B3GALT1: variants seen among roughly 807,000 people sequenced by gnomAD.
B3GALT1 encodes UDP-Gal:betaGlcNAc beta 1,3-galactosyltransferase, polypeptide 1.
A neutral mutation model predicts 23.2 loss-of-function variants in B3GALT1; 10 were observed. The ratio of observed to expected loss-of-function variants is 0.43; its 90% CI spans 0.27 to 0.73. B3GALT1 has a LOEUF of 0.73. Among genes scored for constraint, B3GALT1 ranks in the 30% least tolerant of loss-of-function variants. The probability of loss-of-function intolerance (pLI) is 0.21; values close to 1 mark genes in which losing one functional copy is unlikely to be tolerated. For synonymous variants in B3GALT1, 156 were observed against 141.5 expected (o/e 1.10, Z -0.73); for missense variants, 299 against 405.4 (o/e 0.74, Z 2.25).
At chr2:167,416,471 G>T (rs1698472628) in intron 1 of B3GALT1, among the ~76,000 whole-genome samples, 1 of 152,246 alleles carries the variant, frequency 6.6e-6, no homozygotes, top group Non-Finnish European at 1.5e-5. Context: ...CAGAAAGCCT[G>T]GGGGCTCAGG....
chr2:167,769,822 A>AT (rs1688042461), intron 3 of B3GALT1, among the ~76,000 whole-genome samples: 1 of 152,184 alleles, frequency 6.6e-6, no homozygotes, highest in South Asian at 2.1e-4. Flanking sequence ...GCTGAGGGAC[A>AT]TTGGGTTTTT....
intron 4 of B3GALT1, among the ~76,000 whole-genome samples, chr2:167,826,692 A>G (rs1046089867): frequency 6.6e-6 from 1 of 152,214 alleles, no homozygotes; most frequent in African/African-American, 2.4e-5. Context: ...CACAGGTTCC[A>G]CATCTGAGGC....
chr2:167,519,677 T>C (rs1428319348), intron 2 of B3GALT1, among the ~76,000 whole-genome samples: 1 of 152,208 alleles, frequency 6.6e-6, no homozygotes, highest in Non-Finnish European at 1.5e-5. Flanking sequence ...TTGGAAAATA[T>C]ATAAAAGTGT....
chr2:167,508,595 A>G (rs371868576), intron 2 of B3GALT1, among the ~76,000 whole-genome samples: 21 of 152,204 alleles, frequency 1.4e-4, no homozygotes, highest in South Asian at 4.1e-4. Flanking sequence ...GTCAATGAAT[A>G]CTAAAAGTTA....
At position 167,869,835 on chromosome 2, in the gene B3GALT1, G is replaced by A. The variant is rs749376311; in HGVS notation, c.796G>A (p.Val266Ile). 4 of 1,613,950 alleles carry A rather than the reference G, an allele frequency of 2.5e-6. No individual in the cohort carries two copies. The highest frequency in any genetic ancestry group is 8.5e-7 in the Non-Finnish European group (1 of 1,180,026). Residue 266 changes from valine (V) to isoleucine (I), a missense_variant, in exon 5 of 5, where the codon GTA becomes ATA. Val to Ile is a conservative substitution (Grantham distance 29, BLOSUM62 3). Around this residue, in one of 3 missense-constraint regions of B3GALT1, gnomAD observed 133 missense variants for 204.8 expected, o/e 0.65. Transcript: ENST00000392690. The surrounding 1 kb of genome is among the most constrained non-coding windows in gnomAD (Gnocchi z 6.4). ...CACAAGGCTGCTTCACCTTGAAGACGTATATGTGGGACTGTGTCTTCGAAA... is the reference window on the plus strand; with the variant it reads ...CACAAGGCTGCTTCACCTTGAAGACATATATGTGGGACTGTGTCTTCGAAA... ...LHTRLLHLED[V>I]YVGLCLRKLG...
chr2:167,693,902 A>C (rs761404792), intron 3 of B3GALT1, among the ~76,000 whole-genome samples: 4 of 152,098 alleles, frequency 2.6e-5, no homozygotes, highest in Non-Finnish European at 4.4e-5. Flanking sequence ...TACTTCTCCC[A>C]GTTCTACTAG....
At chr2:167,301,750 T>C (rs990389271) in intron 1 of B3GALT1, among the ~76,000 whole-genome samples, 2 of 152,162 alleles carry the variant, frequency 1.3e-5, no homozygotes, top group Non-Finnish European at 2.9e-5. Context: ...GGTTTCACCA[T>C]GTTGGCCAGG....
At chr2:167,429,964 A>G (rs938712487) in intron 1 of B3GALT1, among the ~76,000 whole-genome samples, 1 of 152,256 alleles carries the variant, frequency 6.6e-6, no homozygotes, top group Non-Finnish European at 1.5e-5. Context: ...TGAACAAAAC[A>G]GATCAAAATC....
At chr2:167,760,381 A>T (rs1243970585) in intron 3 of B3GALT1, among the ~76,000 whole-genome samples, 1 of 152,188 alleles carries the variant, frequency 6.6e-6, no homozygotes, top group East Asian at 1.9e-4. Flanking sequence ...GAGTATAAGG[A>T]TTTCCATACA....
intron 3 of B3GALT1, among the ~76,000 whole-genome samples, chr2:167,764,787 C>T (rs902622263): frequency 3.0e-4 from 46 of 152,124 alleles, no homozygotes; most frequent in African/African-American, 9.9e-4. Context: ...ACTATTAGAA[C>T]GTAAGGATAT....
chr2:167,387,807 A>C (rs1176354829), intron 1 of B3GALT1, among the ~76,000 whole-genome samples: 1 of 152,244 alleles, frequency 6.6e-6, no homozygotes, highest in Non-Finnish European at 1.5e-5. Flanking sequence ...CTCTACTGCC[A>C]GTCCTCCCAC....
At position 167,659,354 on chromosome 2, in the gene B3GALT1, G is replaced by A. The variant is rs368403402; in HGVS notation, c.-352+12388G>A. On this transcript the variant is annotated intron_variant, in intron 3 of 4. Coordinates refer to ENST00000392690, the MANE Select transcript of B3GALT1 (RefSeq NM_020981.4). ...CACATTGCAGTGCAAGTACTACGGG[G>A]TAGTTCAATATTTATTATTAGGAGC... Among the ~76,000 whole-genome samples, 5 of 152,018 alleles carry A rather than the reference G, an allele frequency of 3.3e-5. No homozygotes were observed. In the South Asian group the frequency reaches 1.0e-3, roughly 32 times the overall value.
At chr2:167,501,867 T>C (rs1339240432) in intron 2 of B3GALT1, among the ~76,000 whole-genome samples, 1 of 152,162 alleles carries the variant, frequency 6.6e-6, no homozygotes, top group Admixed American at 6.5e-5. Context: ...TTGAGACAAG[T>C]ACATGAATGA....
At chr2:167,486,989 A>G (rs929930904) in intron 1 of B3GALT1, among the ~76,000 whole-genome samples, 5 of 152,216 alleles carry the variant, frequency 3.3e-5, no homozygotes, top group African/African-American at 1.2e-4. Context: ...TTTTTGTTAA[A>G]ATATGTACTT....
chr2:167,821,624 A>AGGG (rs1331843081), intron 4 of B3GALT1, among the ~76,000 whole-genome samples: 1 of 151,844 alleles, frequency 6.6e-6, no homozygotes, highest in African/African-American at 2.4e-5. Context: ...TAGTAAAGAC[A>AGGG]GGGTTTCACC....
At chr2:167,490,582 T>G (rs1435699030) in intron 2 of B3GALT1, among the ~76,000 whole-genome samples, 1 of 152,224 alleles carries the variant, frequency 6.6e-6, no homozygotes, top group African/African-American at 2.4e-5. Flanking sequence ...CTTCTTGCCA[T>G]GACACACATG....
chr2:167,551,356 G>A (rs1278716984), intron 2 of B3GALT1, among the ~76,000 whole-genome samples: 4 of 152,228 alleles, frequency 2.6e-5, no homozygotes, highest in Non-Finnish European at 5.9e-5. Flanking sequence ...CATTGGTGGA[G>A]ATGTTGCCTT....
intron 2 of B3GALT1, among the ~76,000 whole-genome samples, chr2:167,559,107 C>T (rs1210087569): frequency 2.0e-5 from 3 of 152,162 alleles, no homozygotes. Context: ...TCCTCTGAGA[C>T]AAAACTTCCA....
intron 4 of B3GALT1, among the ~76,000 whole-genome samples, chr2:167,826,351 G>A (rs1295161641): frequency 6.6e-6 from 1 of 152,188 alleles, no homozygotes. Context: ...AGGGACCAGT[G>A]TCATTTGGTC....
Sources: allele counts gnomAD v4.1 joint callset (sites outside exome capture counted in the v4.1 genomes callset), GRCh38; gene constraint gnomAD v4.1.1; regional missense constraint gnomAD v4.1.1; non-coding constraint Gnocchi (gnomAD v3.1); transcripts MANE v1.5; gene names NCBI Gene and HGNC (gene_info 2026-07-23, HGNC 2026-07-21).